The following LENG8 variants were observed in gnomAD, a reference collection of about 807,000 sequenced individuals.
The protein encoded by LENG8 is leukocyte receptor cluster member 8, also known as leukocyte receptor cluster (LRC) member 8.
A neutral mutation model predicts 102.1 loss-of-function variants in LENG8; 28 were observed. The observed-to-expected ratio is 0.27, with a 90% CI of 0.20 to 0.38. The LOEUF (loss-of-function observed/expected upper bound fraction) is 0.38. Ranked by LOEUF, LENG8 falls within the 10% of genes least tolerant of loss-of-function variation. LENG8 has a pLI of 1.00. For missense variants in LENG8, 1,022 were observed against 1,113.9 expected, an observed-to-expected ratio of 0.92 and a Z score of 1.17; for synonymous variants, 531 against 456.7, an observed-to-expected ratio of 1.16 and a Z score of -2.07.
intron 6 of LENG8, 60 bp from the exon 7 acceptor site, chr19:54,454,891 C>T (rs2084142771): frequency 1.2e-6 from 2 of 1,607,898 alleles, no homozygotes; most frequent in Non-Finnish European, 8.5e-7. Flanking sequence ...CCTCCCGTCC[C>T]CTGGGGACCC....
Position 54,456,388 on chromosome 19 carries a change from G to A in LENG8, c.1368G>A (p.Arg456=), listed in dbSNP as rs1172833406. The change falls in exon 10 of 16, where the codon AGG becomes AGA. Residue 456 remains arginine, a synonymous_variant. Coordinates refer to ENST00000326764, the MANE Select transcript of LENG8 (RefSeq NM_052925.4). ...ATGAGTGTCACCCTGTGGGCCGCAGGAACCCGCCCCCTAAGGGCCGGGGCG... is the reference window on the plus strand; with the variant it reads ...ATGAGTGTCACCCTGTGGGCCGCAGAAACCCGCCCCCTAAGGGCCGGGGCG... ...SGNECHPVGR[R]NPPPKGRGGR... 2 of 1,612,394 alleles carry A rather than the reference G, an allele frequency of 1.2e-6. No individual in the cohort carries two copies. The highest frequency in any genetic ancestry group is 1.7e-5 in the Admixed American group (1 of 60,014).
In LENG8 at chr19:54,451,355, A is replaced by T; in HGVS notation, c.11A>T (p.Asn4Ile). The change falls in exon 2 of 16, where the codon AAC becomes ATC. Residue 4 changes from asparagine (N) to isoleucine (I), a missense_variant. Physicochemically the swap from Asn to Ile is moderately radical, Grantham distance 149. Coordinates refer to ENST00000326764, the MANE Select transcript of LENG8 (RefSeq NM_052925.4). MAA[N>I]VGDQRSTDWS... The stretch of plus-strand genomic sequence containing the variant: ...TACCCCAAGGTCCAGATGGCGGCCA[A>T]CGTGGGTGATCAACGTAGCACAGAT... 1 of 1,614,184 alleles carries T rather than the reference A, an allele frequency of 6.2e-7. No homozygotes were observed.
chr19:54,458,078 C>T (rs2084346953), intron 13 of LENG8, 25 bp from the exon 14 acceptor site: 3 of 1,612,110 alleles, frequency 1.9e-6, no homozygotes, highest in African/African-American at 1.3e-5. Flanking sequence ...CTCTGCTCTC[C>T]TCCCTCGGTG....
chr19:54,458,069 T>C (rs771845705), intron 13 of LENG8, 34 bp from the exon 14 acceptor site: 1 of 1,612,128 alleles, frequency 6.2e-7, no homozygotes, highest in South Asian at 1.1e-5. Context: ...GCACCCTCAC[T>C]CTGCTCTCCT....
At chr19:54,453,937 G>GGGTT in intron 5 of LENG8, among the ~76,000 whole-genome samples, 1 of 152,308 alleles carries the variant, frequency 6.6e-6, no homozygotes, top group African/African-American at 2.4e-5. Context: ...CATTGAATGT[G>GGGTT]CAGCTTGGAG....
Position 54,457,832 on chromosome 19 carries a change from TCCG to T in LENG8, c.1818_1820del (p.Ile606_Arg607delinsMet). ...TTTGCCTGCGAGCAGATGAAGTCGA[TCCG>T]GCAGGATCTGACGGTGAGACTCGCG... On this transcript the variant is annotated inframe_deletion, in exon 12 of 16. Transcript: ENST00000326764. 1.2e-6 allele frequency: 2 copies of T among 1,613,998 alleles called. No individual in the cohort carries two copies. The highest frequency in any genetic ancestry group is 1.7e-6 in the Non-Finnish European group (2 of 1,179,836).
chr19:54,456,608 G>T, intron 10 of LENG8, 28 bp from the exon 11 acceptor site: 1 of 1,590,680 alleles, frequency 6.3e-7, no homozygotes, highest in Non-Finnish European at 8.6e-7. Context: ...GACGCCTGTC[G>T]CGCTCACTGC....
chr19:54,453,533 T>G lies in LENG8; in HGVS notation c.316-13T>G. The G allele has an allele frequency of 6.3e-7, 1 of 1,598,092 alleles. No homozygotes were observed. The highest frequency in any genetic ancestry group is 8.6e-7 in the Non-Finnish European group (1 of 1,165,580). On this transcript the variant is annotated splice_polypyrimidine_tract_variant and intron_variant, in intron 4 of 15. Transcript: ENST00000326764. ...GGCCTCCCACTAAACCCTCCCTCCCTGCGCCTTTGCAGAGCATGTACCAGA... is the reference window on the plus strand; with the variant it reads ...GGCCTCCCACTAAACCCTCCCTCCCGGCGCCTTTGCAGAGCATGTACCAGA...
At chr19:54,450,707 G>A (rs7248412) in intron 1 of LENG8, among the ~76,000 whole-genome samples, 52,615 of 145,948 alleles carry the variant, frequency 0.36, 10,199 homozygotes, top group East Asian at 0.7. Context: ...ACCGCCCTCC[G>A]CCTCCCGTGT....
intron 8 of LENG8, 116 bp downstream of exon 8, chr19:54,455,683 T>C (rs889148): frequency 0.42 from 413,582 of 982,022 alleles, 89,589 homozygotes; most frequent in East Asian, 0.62. Context: ...AGAAATGAAC[T>C]GGAAAGTTGG....
chr19:54,460,594 G>A, intron 15 of LENG8, 172 bp from the exon 16 acceptor site: 31 of 1,291,276 alleles, frequency 2.4e-5, no homozygotes, highest in Middle Eastern at 2.8e-4. Flanking sequence ...AACCCCCCCC[G>A]GGCCCCCCCC....
rs35061854 is a variant in LENG8, at chr19:54,455,378, G to A, written c.836G>A (p.Arg279Gln). Reference protein sequence around the residue: ...KVQNHSGSSARGNLSGKPDDW... With the variant: ...KVQNHSGSSAQGNLSGKPDDW... ...TCCTCCCGCAGCGGGTCCTCTGCCC[G>A]GGGGAACCTGTCTGGGAAGCCGGAT... Residue 279 changes from arginine (R) to glutamine (Q), a missense_variant, in exon 8 of 16, where the codon CGG becomes CAG. Arg to Gln is a conservative substitution (Grantham distance 43). Coordinates refer to ENST00000326764, the MANE Select transcript of LENG8 (RefSeq NM_052925.4). The A allele has an allele frequency of 1.9e-5, 30 of 1,613,984 alleles. 1 individual carries two copies. The highest frequency in any genetic ancestry group is 1.6e-4 in the Middle Eastern group (1 of 6,084).
intron 9 of LENG8, 32 bp downstream of exon 9, chr19:54,456,277 A>C (rs752550413): frequency 3.7e-6 from 6 of 1,614,014 alleles, no homozygotes; most frequent in Non-Finnish European, 5.1e-6. Flanking sequence ...GCTGTGTGTG[A>C]GGGAGGGGGA....
rs757914125 is a variant in LENG8 at position 54,458,111 on chromosome 19, T to C, written c.1911T>C (p.His637=). 1.2e-5 allele frequency: 19 copies of C among 1,613,248 alleles called. No homozygotes were observed. Among genetic ancestry groups the C allele is most frequent in the Non-Finnish European group, 1.5e-5 (18 of 1,180,012 alleles). Residue 637 remains histidine, a synonymous_variant, in exon 14 of 16, where the codon CAT becomes CAC. Transcript: ENST00000326764. ...GTGCCTCTGCCTTCCAGGGTGACCATGAAGAGTTTAACCAGTGCCAGACGC... is the reference window on the plus strand; with the variant it reads ...GTGCCTCTGCCTTCCAGGGTGACCACGAAGAGTTTAACCAGTGCCAGACGC... ...HARIALEKGD[H]EEFNQCQTQL... is the part of the protein sequence containing the mutation.
Position 54,454,514 on chromosome 19 carries a change from A to G in LENG8, c.511A>G (p.Asn171Asp), listed in dbSNP as rs757392278. ...GTCGGCTCAGCCCCCTCAGCCCTCA[A>G]ATCCCCCACATGGGGCTCACACGCT... Reference protein sequence around the residue: ...LPSAQPPQPSNPPHGAHTLNS... With the variant: ...LPSAQPPQPSDPPHGAHTLNS... Residue 171 changes from asparagine (N) to aspartate (D), a missense_variant, in exon 6 of 16, where the codon AAT becomes GAT. Transcript: ENST00000326764. 1.9e-6 allele frequency: 3 copies of G among 1,613,778 alleles called. No individual in the cohort carries two copies. Among genetic ancestry groups the G allele is most frequent in the Admixed American group, 1.7e-5 (1 of 60,000 alleles).
In LENG8 at chr19:54,461,572, A is replaced by G. The variant is rs1369617906; in HGVS notation, c.*644A>G. On this transcript the variant is annotated 3_prime_UTR_variant, in exon 16 of 16. Coordinates refer to ENST00000326764, the MANE Select transcript of LENG8 (RefSeq NM_052925.4). ...CGGGCCGCCTCGTCTCAAGTTGTAT[A>G]AAGTTGTCTCCGTGTCCCCTCCTCC... 1 of 472,166 alleles carries G rather than the reference A, an allele frequency of 2.1e-6. No individual in the cohort carries two copies. The highest frequency in any genetic ancestry group is 2.3e-5 in the Admixed American group (1 of 42,588). The allele number at this position is 472,166 out of a possible 1,614,324, so 29.2% of individuals were successfully genotyped here. A position where few individuals can be genotyped will look rare whatever the true frequency, so the allele number is the denominator to read the frequency against.
intron 9 of LENG8, 32 bp downstream of exon 9, chr19:54,456,277 A>G (rs752550413): frequency 6.2e-7 from 1 of 1,614,014 alleles, no homozygotes; most frequent in South Asian, 1.1e-5. Context: ...GCTGTGTGTG[A>G]GGGAGGGGGA....
Position 54,455,576 on chromosome 19 carries a change from G to A in LENG8, c.1025+9G>A, listed in dbSNP as rs147013074. On this transcript the variant is annotated intron_variant, in intron 8 of 15. Transcript: ENST00000326764. ...CGGGAGCCCTTGCCGGGGTTAGTCTGGGTGGGGGACATAGGTGGGAGGGTG... is the reference window on the plus strand; with the variant it reads ...CGGGAGCCCTTGCCGGGGTTAGTCTAGGTGGGGGACATAGGTGGGAGGGTG... 2.4e-5 allele frequency: 39 copies of A among 1,603,190 alleles called. No homozygotes were observed. The highest frequency in any genetic ancestry group is 3.2e-5 in the Non-Finnish European group (38 of 1,177,482).
Position 54,461,872 on chromosome 19 carries a change from C to T in LENG8, c.*944C>T, listed in dbSNP as rs996314065. 7.6e-6 allele frequency: 5 copies of T among 658,694 alleles called. 1 individual carries two copies. The highest frequency in any genetic ancestry group is 5.9e-5 in the South Asian group (4 of 67,808). The allele number at this position is 658,694 out of a possible 1,614,324, so 40.8% of individuals were successfully genotyped here. A position where few individuals can be genotyped will look rare whatever the true frequency, so the allele number is the denominator to read the frequency against. ...ATGAGTTTGCAAACAGCTGGACTGT[C>T]AGGCTGCTTTTTTTCCAGATGTTCC... On this transcript the variant is annotated 3_prime_UTR_variant, in exon 16 of 16. Transcript: ENST00000326764.
Sources: allele counts gnomAD v4.1 joint callset (sites outside exome capture counted in the v4.1 genomes callset), GRCh38; gene constraint gnomAD v4.1.1; transcripts MANE v1.5; gene names NCBI Gene and HGNC (gene_info 2026-07-23, HGNC 2026-07-21).